MAN1A1: variants seen among roughly 807,000 people sequenced by gnomAD.
MAN1A1 encodes mannosidase alpha class 1A member 1.
Under a neutral mutation model 70.8 loss-of-function variants are expected in MAN1A1, and 29 were observed. The ratio of observed to expected loss-of-function variants is 0.41; its 90% CI spans 0.31 to 0.56. MAN1A1 has a LOEUF of 0.56. Among genes scored for constraint, MAN1A1 ranks in the 20% least tolerant of loss-of-function variants. MAN1A1 has a pLI of 0.29. For synonymous variants in MAN1A1, 349 were observed against 330.1 expected (o/e 1.06, Z -0.62); for missense variants, 747 against 841.3 (o/e 0.89, Z 1.39).
chr6:119,348,549 G>A lies in MAN1A1; in HGVS notation c.517C>T (p.Pro173Ser). The change falls in exon 2 of 13, where the codon CCG becomes TCG. Residue 173 changes from proline to serine, a missense_variant. By Grantham distance (74) the Pro-to-Ser change is moderately conservative. Transcript: ENST00000368468. ...CCGATTGGGGGCACGAAGTCCACCG[G>A]GGGCAGGCCTCTGAACGGCGCCTTG... ...RDKAPFRGLP[P>S]VDFVPPIGVE... is the part of the protein sequence containing the mutation. 6.2e-7 allele frequency: 1 copy of A among 1,613,348 alleles called. No homozygotes were observed.
rs372783106 is a variant in MAN1A1, at chr6:119,179,872, G to C, written c.1909C>G (p.Leu637Val). The C allele has an allele frequency of 1.2e-6, 2 of 1,612,452 alleles. No homozygotes were observed. Among genetic ancestry groups the C allele is most frequent in the African/African-American group, 1.3e-5 (1 of 74,846 alleles). ...EHWIFNSEAH[L>V]LPILPKDKKE... is the part of the protein sequence containing the mutation. ...TTATCTTTAGGGAGGATAGGGAGAA[G>C]ATGTGCCTCGCTATTGAAGATCCAA... The change falls in exon 13 of 13, where the codon CTT (leucine) becomes GTT (valine). Residue 637 changes from leucine (L) to valine (V), a missense_variant. By Grantham distance (32) the Leu-to-Val change is conservative. Coordinates refer to ENST00000368468, the MANE Select transcript of MAN1A1 (RefSeq NM_005907.4).
chr6:119,292,445 C>A (rs555923530), intron 4 of MAN1A1, among the ~76,000 whole-genome samples: 1 of 151,966 alleles, frequency 6.6e-6, no homozygotes, highest in East Asian at 1.9e-4. Context: ...TGTGCCAGAC[C>A]CTGTCCTAGG....
intron 5 of MAN1A1, among the ~76,000 whole-genome samples, chr6:119,254,068 A>C (rs1017635318): frequency 3.3e-5 from 5 of 152,218 alleles, no homozygotes; most frequent in African/African-American, 4.8e-5. Flanking sequence ...CTTCTACCTA[A>C]ACTGGTGAGC....
intron 6 of MAN1A1, among the ~76,000 whole-genome samples, chr6:119,216,268 G>A (rs1239721959): frequency 6.6e-6 from 1 of 152,190 alleles, no homozygotes; most frequent in Non-Finnish European, 1.5e-5. Flanking sequence ...GGAAGAATAG[G>A]TTACATAAAA....
At chr6:119,260,263 A>G (rs1775570792) in intron 5 of MAN1A1, among the ~76,000 whole-genome samples, 1 of 151,584 alleles carries the variant, frequency 6.6e-6, no homozygotes, top group African/African-American at 2.4e-5. Flanking sequence ...TAGTTTGCTG[A>G]CCCTTGTTTC....
intron 2 of MAN1A1, among the ~76,000 whole-genome samples, chr6:119,307,914 T>C (rs957047217): frequency 4.6e-5 from 7 of 152,194 alleles, no homozygotes; most frequent in East Asian, 1.9e-4. Flanking sequence ...AAAATCTTCA[T>C]TGAGATCAGT....
intron 6 of MAN1A1, among the ~76,000 whole-genome samples, chr6:119,212,961 C>T (rs938702935): frequency 2.0e-5 from 3 of 151,968 alleles, no homozygotes; most frequent in Non-Finnish European, 4.4e-5. Context: ...AGGAACCCAC[C>T]GGGAGAAAAT....
Position 119,348,768 on chromosome 6 carries a change from C to T in MAN1A1, c.298G>A (p.Gly100Arg). Residue 100 changes from glycine (G) to arginine (R), a missense_variant, in exon 2 of 13, where the codon GGG (glycine) becomes AGG (arginine). Physicochemically the swap from Gly to Arg is moderately radical, Grantham distance 125. Coordinates refer to ENST00000368468, the MANE Select transcript of MAN1A1 (RefSeq NM_005907.4). ...CCCTCCTCGCGGCGCCGGGCTCGCC[C>T]CTCGGCCGCGTCCTCGGCGCGCGCC... ...PGARAEDAAE[G>R]RARRREEGAP... The T allele has an allele frequency of 6.7e-7, 1 of 1,483,804 alleles. No individual in the cohort carries two copies. The highest frequency in any genetic ancestry group is 8.9e-7 in the Non-Finnish European group (1 of 1,120,092). 91.9% of individuals were successfully genotyped at this position (1,483,804 alleles called of 1,614,324 possible).
intron 11 of MAN1A1, among the ~76,000 whole-genome samples, chr6:119,182,985 G>A (rs1286370637): frequency 6.6e-6 from 1 of 152,102 alleles, no homozygotes; most frequent in Admixed American, 6.5e-5. Flanking sequence ...AAGGATTTTG[G>A]AGGAAAATAA....
At chr6:119,330,371 C>G (rs1428012812) in intron 2 of MAN1A1, among the ~76,000 whole-genome samples, 1 of 152,092 alleles carries the variant, frequency 6.6e-6, no homozygotes, top group Non-Finnish European at 1.5e-5. Flanking sequence ...AACCCAAGAA[C>G]CTCTTTATCT....
Position 119,179,112 on chromosome 6 carries a change from T to C in MAN1A1, c.*707A>G, listed in dbSNP as rs531444075. 1 of 152,182 alleles carries C rather than the reference T, an allele frequency of 6.6e-6. No individual in the cohort carries two copies. Among genetic ancestry groups the C allele is most frequent in the South Asian group, 2.1e-4 (1 of 4,824 alleles). The allele number at this position is 152,182 out of a possible 1,614,324, so 9.4% of individuals were successfully genotyped here. On this transcript the variant is annotated 3_prime_UTR_variant, in exon 13 of 13. Transcript: ENST00000368468. ...AATTAACTAGTATATAATCCAGAAA[T>C]GACACAGGGCATTTAAAGTAAAATT...
At chr6:119,290,802 A>G (rs759944423) in intron 4 of MAN1A1, 39 bp from the exon 5 acceptor site, 3 of 1,264,262 alleles carry the variant, frequency 2.4e-6, no homozygotes, top group East Asian at 2.3e-5. Flanking sequence ...GATAGTACAC[A>G]ATTCAGAAAA....
chr6:119,336,267 A>T (rs546098980), intron 2 of MAN1A1, among the ~76,000 whole-genome samples: 1 of 152,238 alleles, frequency 6.6e-6, no homozygotes, highest in Admixed American at 6.5e-5. Context: ...ACAGGGTTTT[A>T]CCACGTTGGC....
chr6:119,285,144 T>TTCTTTTCTTTTG (rs1211262043), intron 5 of MAN1A1, among the ~76,000 whole-genome samples: 1 of 151,156 alleles, frequency 6.6e-6, no homozygotes. Flanking sequence ...AGACTTTTTT[T>TTCTTTTCTTTTG]TTTTTTTTTA....
intron 5 of MAN1A1, among the ~76,000 whole-genome samples, chr6:119,263,918 CAAG>C (rs1383034743): frequency 6.6e-6 from 1 of 152,172 alleles, no homozygotes; most frequent in Non-Finnish European, 1.5e-5. Context: ...TGTAAGACTT[CAAG>C]AAGAAGCTTT....
At chr6:119,283,394 A>G (rs1333108858) in intron 5 of MAN1A1, among the ~76,000 whole-genome samples, 3 of 152,250 alleles carry the variant, frequency 2.0e-5, no homozygotes, top group East Asian at 3.8e-4. Context: ...AGTGCCAGGC[A>G]TACAGTGTTA....
At chr6:119,205,476 T>C (rs116887879) in intron 6 of MAN1A1, among the ~76,000 whole-genome samples, 9 of 152,324 alleles carry the variant, frequency 5.9e-5, no homozygotes, top group Non-Finnish European at 1.2e-4. Flanking sequence ...CTGTACTCTA[T>C]ATAACCTATG....
intron 7 of MAN1A1, among the ~76,000 whole-genome samples, chr6:119,203,034 T>C (rs1337821963): frequency 6.6e-6 from 1 of 152,030 alleles, no homozygotes; most frequent in Non-Finnish European, 1.5e-5. Flanking sequence ...AAAGAAGACA[T>C]CATGTGAACA....
chr6:119,350,402 A>G (rs539588140), upstream of MAN1A1: 3 of 315,106 alleles, frequency 9.5e-6, no homozygotes, highest in African/African-American at 2.3e-5. Context: ...TTTACATCCT[A>G]AGAGACACAG....
Sources: allele counts gnomAD v4.1 joint callset (sites outside exome capture counted in the v4.1 genomes callset), GRCh38; gene constraint gnomAD v4.1.1; transcripts MANE v1.5; gene names NCBI Gene and HGNC (gene_info 2026-07-23, HGNC 2026-07-21).